TPCN1: variants seen among roughly 807,000 people sequenced by gnomAD.
The protein encoded by TPCN1 is two pore channel protein 1.
Under a neutral mutation model 108.8 loss-of-function variants are expected in TPCN1, and 52 were observed. That is an observed-to-expected ratio of 0.48 (90% confidence interval 0.38 to 0.60). The LOEUF (loss-of-function observed/expected upper bound fraction) is 0.60. Ranked by LOEUF, TPCN1 falls within the 20% of genes least tolerant of loss-of-function variation. The pLI, the probability that TPCN1 is intolerant of heterozygous loss-of-function variation, is 0.00. For synonymous variants in TPCN1, 446 were observed against 433.7 expected (o/e 1.03, Z -0.35); for missense variants, 806 against 1,072.8 (o/e 0.75, Z 3.47).
intron 3 of TPCN1, among the ~76,000 whole-genome samples, chr12:113,264,566 C>T (rs1436964340): frequency 6.6e-6 from 1 of 151,938 alleles, no homozygotes; most frequent in Non-Finnish European, 1.5e-5. Context: ...GTCATTCCAG[C>T]TACCCGGGAG....
chr12:113,284,690 T>C lies in TPCN1; in HGVS notation c.1400-28T>C. 1 of 1,614,258 alleles carries C rather than the reference T, an allele frequency of 6.2e-7. No homozygotes were observed. The highest frequency in any genetic ancestry group is 8.5e-7 in the Non-Finnish European group (1 of 1,180,040). On this transcript the variant is annotated intron_variant, in intron 16 of 27. Coordinates refer to ENST00000335509, the MANE Select transcript of TPCN1 (RefSeq NM_017901.6). This position sits in a 1 kb window ranked among gnomAD's most constrained non-coding sequence, Gnocchi z 4.1. ...TCCTGGCCGGCACACCTGGCTTACC[T>C]GTGAGCTGCTACTTCTCTGTCTTAC...
chr12:113,281,401 A>T (rs539851441), intron 15 of TPCN1, among the ~76,000 whole-genome samples: 24 of 152,330 alleles, frequency 1.6e-4, no homozygotes, highest in African/African-American at 5.3e-4. Context: ...CAAAGAAAAA[A>T]AAATAAATAT....
rs761446043 is a variant in TPCN1 at position 113,288,417 on chromosome 12, C to T, written c.1706+183C>T. The T allele has an allele frequency of 1.3e-6, 2 of 1,484,260 alleles. No homozygotes were observed. The highest frequency in any genetic ancestry group is 1.8e-6 in the Non-Finnish European group (2 of 1,119,672). The allele number at this position is 1,484,260 out of a possible 1,614,324, so 91.9% of individuals were successfully genotyped here. A position where few individuals can be genotyped will look rare whatever the true frequency, so the allele number is the denominator to read the frequency against. On this transcript the variant is annotated intron_variant, in intron 20 of 27. Coordinates refer to ENST00000335509, the MANE Select transcript of TPCN1 (RefSeq NM_017901.6). This position sits in a 1 kb window ranked among gnomAD's most constrained non-coding sequence, Gnocchi z 4.8. Reference sequence around the variant, plus strand: ...CAGGTCTCCTGGGCACCATTTTTCTCCACTGACCTGTCTGACATATTTAGT... The same window carrying T: ...CAGGTCTCCTGGGCACCATTTTTCTTCACTGACCTGTCTGACATATTTAGT...
Position 113,268,945 on chromosome 12 carries a change from C to T in TPCN1, c.659+73C>T, listed in dbSNP as rs1955388534. On this transcript the variant is annotated intron_variant, in intron 6 of 27. Coordinates refer to ENST00000335509, the MANE Select transcript of TPCN1 (RefSeq NM_017901.6). This position sits in a 1 kb window ranked among gnomAD's most constrained non-coding sequence, Gnocchi z 7.3. ...GACCTCTGGGCCAGTGGGGCAGGAG[C>T]TTGTGAGTCAGTTAGTGATGAGGTC... is the stretch of plus-strand genomic sequence containing the variant. The T allele has an allele frequency of 6.4e-7, 1 of 1,572,788 alleles. No homozygotes were observed.
rs539464443 is a variant in TPCN1 at position 113,234,494 on chromosome 12, C to T, written c.112+7530C>T. Among the ~76,000 whole-genome samples the T allele has an allele frequency of 3.9e-5, 6 of 152,324 alleles. 1 individual carries two copies. In the South Asian group the frequency reaches 1.0e-3, roughly 26 times the overall value. On this transcript the variant is annotated intron_variant, in intron 2 of 27. Transcript: ENST00000335509. ...CAGGTGACCCCTTATCAGGACTTGC[C>T]TGGTAGAAGTCCCTGGACTGAGCCA...
chr12:113,290,359 C>T lies in TPCN1; in HGVS notation c.1912+116C>T, dbSNP rs536531916. ...TGTCTGGGCCACACTTTCTGGAAGC[C>T]TCCCTGGCCCAGGTGGAGGACTTGG... On this transcript the variant is annotated intron_variant, in intron 22 of 27. Transcript: ENST00000335509. The T allele has an allele frequency of 5.7e-5, 42 of 737,254 alleles. No homozygotes were observed. In the African/African-American group the frequency reaches 7.1e-4, roughly 12 times the overall value. 45.7% of individuals were successfully genotyped at this position (737,254 alleles called of 1,614,324 possible).
chr12:113,272,540 C>T lies in TPCN1; in HGVS notation c.749-118C>T. On this transcript the variant is annotated intron_variant, in intron 7 of 27. Coordinates refer to ENST00000335509, the MANE Select transcript of TPCN1 (RefSeq NM_017901.6). This position sits in a 1 kb window ranked among gnomAD's most constrained non-coding sequence, Gnocchi z 4.1. ...CAGGGTGCTGTGGTCCCCAGCAGTC[C>T]CTGCTGCTCTTCCTGACCTGCTGCG... 1.1e-6 allele frequency: 1 copy of T among 935,326 alleles called. No individual in the cohort carries two copies. Among genetic ancestry groups the T allele is most frequent in the South Asian group, 1.3e-5 (1 of 75,446 alleles). 57.9% of individuals were successfully genotyped at this position (935,326 alleles called of 1,614,324 possible). A position where few individuals can be genotyped will look rare whatever the true frequency, so the allele number is the denominator to read the frequency against.
Position 113,266,531 on chromosome 12 carries a change from G to A in TPCN1, c.414+175G>A, listed in dbSNP as rs1334705949. Among the ~76,000 whole-genome samples the A allele has an allele frequency of 6.6e-6, 1 of 152,230 alleles. No homozygotes were observed. Among genetic ancestry groups the A allele is most frequent in the African/African-American group, 2.4e-5 (1 of 41,460 alleles). On this transcript the variant is annotated intron_variant, in intron 4 of 27. Coordinates refer to ENST00000335509, the MANE Select transcript of TPCN1 (RefSeq NM_017901.6). The surrounding 1 kb of genome is among the most constrained non-coding windows in gnomAD (Gnocchi z 4.2). Reference sequence around the variant, plus strand: ...CGGAAATGCCTGGGTGTCCCTGCTGGAGTGAATGGCCTTCACCCAGTCTCT... The same window carrying A: ...CGGAAATGCCTGGGTGTCCCTGCTGAAGTGAATGGCCTTCACCCAGTCTCT...
Position 113,289,831 on chromosome 12 carries a change from C to T in TPCN1, c.1797-297C>T, listed in dbSNP as rs1285150504. Among the ~76,000 whole-genome samples the T allele has an allele frequency of 6.6e-6, 1 of 152,204 alleles. No homozygotes were observed. The highest frequency in any genetic ancestry group is 1.5e-5 in the Non-Finnish European group (1 of 68,042). ...CAGAGGAGGCCCTTGCCTCTCCTCC[C>T]TCCCCTGCAAGCAACGGTGAGAGAG... is the stretch of plus-strand genomic sequence containing the variant. On this transcript the variant is annotated intron_variant, in intron 21 of 27. Coordinates refer to ENST00000335509, the MANE Select transcript of TPCN1 (RefSeq NM_017901.6). The surrounding 1 kb of genome is among the most constrained non-coding windows in gnomAD (Gnocchi z 4.1).
rs761454686 is a variant in TPCN1 at position 113,288,750 on chromosome 12, C to T, written c.1707-8C>T. 4 of 1,611,730 alleles carry T rather than the reference C, an allele frequency of 2.5e-6. No homozygotes were observed. The highest frequency in any genetic ancestry group is 3.4e-6 in the Non-Finnish European group (4 of 1,179,962). On this transcript the variant is annotated splice_polypyrimidine_tract_variant and splice_region_variant and intron_variant, in intron 20 of 27. Coordinates refer to ENST00000335509, the MANE Select transcript of TPCN1 (RefSeq NM_017901.6). This position sits in a 1 kb window ranked among gnomAD's most constrained non-coding sequence, Gnocchi z 4.8. ...GCCCCGCGTCACCCTGCCCCTGTCGCCCCACAGCCTGGGCCTCACCCTGCT... is the reference window on the plus strand; with the variant it reads ...GCCCCGCGTCACCCTGCCCCTGTCGTCCCACAGCCTGGGCCTCACCCTGCT...
At chr12:113,282,383 G>A (rs544831868) in intron 15 of TPCN1, among the ~76,000 whole-genome samples, 11 of 149,956 alleles carry the variant, frequency 7.3e-5, no homozygotes, top group South Asian at 2.2e-4. Flanking sequence ...ATGAGCCACC[G>A]CATCCGGCCT....
rs577678589 is a variant in TPCN1 at position 113,241,791 on chromosome 12, T to C, written c.112+14827T>C. Reference sequence around the variant, plus strand: ...GTGTGTGTGTGTGTGTGTGTGTGTGTGTGCGTGTGTGTGTATGAGACAGCA... The same window carrying C: ...GTGTGTGTGTGTGTGTGTGTGTGTGCGTGCGTGTGTGTGTATGAGACAGCA... On this transcript the variant is annotated intron_variant, in intron 2 of 27. Transcript: ENST00000335509. Among the ~76,000 whole-genome samples, 4 of 151,272 alleles carry C rather than the reference T, an allele frequency of 2.6e-5. No homozygotes were observed. In the East Asian group the frequency reaches 7.8e-4, roughly 29 times the overall value.
In TPCN1 at chr12:113,273,032, C is replaced by CT. The variant is rs1190842188; in HGVS notation, c.784-198dup. Among the ~76,000 whole-genome samples, 1 of 152,224 alleles carries CT rather than the reference C, an allele frequency of 6.6e-6. No individual in the cohort carries two copies. Among genetic ancestry groups the CT allele is most frequent in the Non-Finnish European group, 1.5e-5 (1 of 68,028 alleles). ...AAAGTCCCCCCAAGTCAATAGTTTG[C>CT]TTCTGCCGGAAGCATCAGGTGCAGG... On this transcript the variant is annotated intron_variant, in intron 8 of 27. Transcript: ENST00000335509. The surrounding 1 kb of genome is among the most constrained non-coding windows in gnomAD (Gnocchi z 4.0).
At chr12:113,265,078 A>G (rs1955202369) in intron 3 of TPCN1, among the ~76,000 whole-genome samples, 1 of 152,186 alleles carries the variant, frequency 6.6e-6, no homozygotes, top group African/African-American at 2.4e-5. Context: ...CACCCGCCTC[A>G]GCCTCCCAAA....
intron 10 of TPCN1, among the ~76,000 whole-genome samples, chr12:113,274,467 A>G (rs751200729): frequency 6.6e-6 from 1 of 152,112 alleles, no homozygotes; most frequent in African/African-American, 2.4e-5. Flanking sequence ...AAATTGTTAT[A>G]CTATATTGTT....
At chr12:113,248,652 G>A (rs1593114390) in intron 2 of TPCN1, among the ~76,000 whole-genome samples, 1 of 152,220 alleles carries the variant, frequency 6.6e-6, no homozygotes, top group Non-Finnish European at 1.5e-5. Context: ...TTAGCATGGC[G>A]GCAGCGAGGG....
intron 27 of TPCN1, 92 bp from the exon 28 acceptor site, chr12:113,295,868 A>C: frequency 7.2e-7 from 1 of 1,385,222 alleles, no homozygotes; most frequent in Non-Finnish European, 9.7e-7. Context: ...TGCCCCTTCC[A>C]GCCTGGATGC....
In TPCN1 at chr12:113,260,308, C is replaced by T. The variant is rs550778160; in HGVS notation, c.113-60C>T. 128 of 1,447,600 alleles carry T rather than the reference C, an allele frequency of 8.8e-5. No individual in the cohort carries two copies. In the Middle Eastern group the frequency reaches 1.3e-3, roughly 15 times the overall value. The allele number at this position is 1,447,600 out of a possible 1,614,324, so 89.7% of individuals were successfully genotyped here. ...ACTGCCAGGCTTTTCTTCTGCCAAA[C>T]GGTGTCTTTTTGCTCTTAAGCCTGG... On this transcript the variant is annotated intron_variant, in intron 2 of 27. Transcript: ENST00000335509.
chr12:113,264,416 C>T (rs1288099389), intron 3 of TPCN1, among the ~76,000 whole-genome samples: 2 of 152,180 alleles, frequency 1.3e-5, no homozygotes, highest in African/African-American at 2.4e-5. Context: ...TGGTGGCTCA[C>T]ACCTGTAATC....
Sources: allele counts gnomAD v4.1 joint callset (sites outside exome capture counted in the v4.1 genomes callset), GRCh38; gene constraint gnomAD v4.1.1; non-coding constraint Gnocchi (gnomAD v3.1); transcripts MANE v1.5; gene names NCBI Gene and HGNC (gene_info 2026-07-23, HGNC 2026-07-21).